Variants in IL19 observed in about 807,000 individuals in gnomAD.
IL19 encodes interleukin 19.
A neutral mutation model predicts 19.5 loss-of-function variants in IL19; 15 were observed. The ratio of observed to expected loss-of-function variants is 0.77; its 90% CI spans 0.52 to 1.19. The LOEUF (loss-of-function observed/expected upper bound fraction) is 1.19, where lower values mean the gene tolerates loss of function less well. Ranked by LOEUF, IL19 falls within the 50% of genes most tolerant of loss-of-function variation. The pLI is 0.00. For missense variants in IL19, 199 were observed against 213.1 expected (o/e 0.93, Z 0.41); for synonymous variants, 78 against 78.3 (o/e 1.00, Z 0.02).
chr1:206,826,145 A>G (rs74151409), intron 2 of IL19, among the ~76,000 whole-genome samples: 2,736 of 152,308 alleles, frequency 0.018, 39 homozygotes, highest in Middle Eastern at 0.058. Flanking sequence ...CTGAGGGGAG[A>G]CCAAGGGGAA....
intron 1 of IL19, among the ~76,000 whole-genome samples, chr1:206,795,925 A>ATGTGTGTGTG (rs1316791210): frequency 6.0e-4 from 79 of 132,340 alleles, no homozygotes; most frequent in African/African-American, 1.7e-3. Flanking sequence ...ATAAATATAT[A>ATGTGTGTGTG]TATGTGTGTG....
chr1:206,834,227 A>G, intron 2 of IL19: 1 of 985,272 alleles, frequency 1.0e-6, no homozygotes, highest in Non-Finnish European at 1.2e-6. Context: ...ACAATTAAGG[A>G]AATACAATAC....
intron 3 of IL19, 73 bp from the exon 4 acceptor site, chr1:206,836,885 T>C: frequency 4.4e-6 from 7 of 1,604,510 alleles, no homozygotes; most frequent in Non-Finnish European, 6.0e-6. Flanking sequence ...GAGTTCCTTC[T>C]CATTGCCTTT....
intron 2 of IL19, among the ~76,000 whole-genome samples, chr1:206,800,034 G>A (rs767597277): frequency 6.6e-6 from 1 of 152,174 alleles, no homozygotes; most frequent in Non-Finnish European, 1.5e-5. Flanking sequence ...ATTATCCAAA[G>A]TCATTGATAA....
intron 1 of IL19, 112 bp downstream of exon 1, chr1:206,771,190 G>T: frequency 1.7e-6 from 2 of 1,209,636 alleles, no homozygotes; most frequent in Non-Finnish European, 1.2e-6. Flanking sequence ...CGAAGGGACT[G>T]AGCCCTTTGT....
At chr1:206,812,948 G>A (rs1397769887) in intron 2 of IL19, among the ~76,000 whole-genome samples, 1 of 152,204 alleles carries the variant, frequency 6.6e-6, no homozygotes, top group East Asian at 1.9e-4. Context: ...AATTCAAACG[G>A]ATACAATGAC....
chr1:206,776,777 G>A (rs549124282), intron 1 of IL19, among the ~76,000 whole-genome samples: 2 of 151,842 alleles, frequency 1.3e-5, no homozygotes, highest in African/African-American at 2.4e-5. Context: ...ATCATCTATC[G>A]CCTGAGAGCA....
chr1:206,783,347 G>T (rs1450496660), intron 1 of IL19, among the ~76,000 whole-genome samples: 1 of 152,132 alleles, frequency 6.6e-6, no homozygotes, highest in African/African-American at 2.4e-5. Context: ...GATTTTAAAA[G>T]TATTCTTTTT....
chr1:206,774,028 C>G lies in IL19; in HGVS notation c.-149+2950C>G, dbSNP rs76176414. On this transcript the variant is annotated intron_variant, in intron 1 of 6. Transcript: ENST00000659997. The stretch of plus-strand genomic sequence containing the variant: ...AGTGTTCTGCTAGTTCTTCACCTTT[C>G]TGCATCAGCAATGGGACAACTCCAG... Among the ~76,000 whole-genome samples the G allele has an allele frequency of 3.1e-4, 47 of 152,340 alleles. No individual in the cohort carries two copies. In the East Asian group the frequency reaches 8.9e-3, roughly 29 times the overall value.
chr1:206,783,551 C>T (rs1405899804), intron 1 of IL19, among the ~76,000 whole-genome samples: 4 of 152,164 alleles, frequency 2.6e-5, no homozygotes, highest in East Asian at 1.9e-4. Flanking sequence ...TTCACGAAAG[C>T]GGCTAAGGGT....
At chr1:206,816,854 T>C (rs757492256) in intron 2 of IL19, among the ~76,000 whole-genome samples, 1 of 152,166 alleles carries the variant, frequency 6.6e-6, no homozygotes, top group Non-Finnish European at 1.5e-5. Flanking sequence ...AAAGATATAC[T>C]ATGCTAATGA....
intron 2 of IL19, among the ~76,000 whole-genome samples, chr1:206,801,853 T>C (rs1343295767): frequency 6.6e-6 from 1 of 152,250 alleles, no homozygotes; most frequent in Non-Finnish European, 1.5e-5. Flanking sequence ...ATACATACTC[T>C]GTTTGTCAAT....
chr1:206,786,832 C>G (rs1675279742), intron 1 of IL19, among the ~76,000 whole-genome samples: 1 of 152,164 alleles, frequency 6.6e-6, no homozygotes, highest in African/African-American at 2.4e-5. Flanking sequence ...TTACTGCCAT[C>G]AACATTCTGA....
At chr1:206,821,659 T>A (rs1435297717) in intron 2 of IL19, among the ~76,000 whole-genome samples, 1 of 152,246 alleles carries the variant, frequency 6.6e-6, no homozygotes, top group Non-Finnish European at 1.5e-5. Context: ...TCCTATTGTC[T>A]TCCACTGCAG....
chr1:206,818,284 T>A (rs1266133379), intron 2 of IL19, among the ~76,000 whole-genome samples: 3 of 152,204 alleles, frequency 2.0e-5, no homozygotes, highest in Non-Finnish European at 2.9e-5. Context: ...AAACTGGAAG[T>A]AGCTCAAATG....
chr1:206,833,710 CCA>C, intron 2 of IL19: 6 of 985,474 alleles, frequency 6.1e-6, no homozygotes, highest in Non-Finnish European at 7.2e-6. Flanking sequence ...TCTCTTCTTT[CCA>C]GTCTCATTTT....
rs796545081 is a variant in IL19, at chr1:206,777,000, G to A, written c.-149+5922G>A. Among the ~76,000 whole-genome samples, 109 of 151,578 alleles carry A rather than the reference G, an allele frequency of 7.2e-4. 1 individual carries two copies. The highest frequency in any genetic ancestry group is 3.4e-3 in the Middle Eastern group (1 of 292). On this transcript the variant is annotated intron_variant, in intron 1 of 6. Coordinates refer to ENST00000659997, the MANE Select transcript of IL19 (RefSeq NM_153758.5). Reference sequence around the variant, plus strand: ...TAATCCCAACACTTTGGGAGGCCGAGGTGGACGGATCACGAGGTCAGGAGA... The same window carrying A: ...TAATCCCAACACTTTGGGAGGCCGAAGTGGACGGATCACGAGGTCAGGAGA...
intron 2 of IL19, chr1:206,834,343 A>C (rs1676712723): frequency 2.0e-6 from 2 of 985,676 alleles, no homozygotes; most frequent in Middle Eastern, 5.2e-4. Flanking sequence ...GCCCTTTCCA[A>C]ATGGCAGAGA....
chr1:206,795,132 A>G (rs1238204116), intron 1 of IL19, among the ~76,000 whole-genome samples: 1 of 152,200 alleles, frequency 6.6e-6, no homozygotes, highest in Non-Finnish European at 1.5e-5. Context: ...ATCCAGACAC[A>G]AGGGCCAGCT....
Sources: gnomAD v4.1 joint callset for allele counts (sites outside exome capture counted in the v4.1 genomes callset) on GRCh38, gnomAD v4.1.1 for gene constraint, MANE v1.5 for transcripts, NCBI Gene and HGNC (gene_info 2026-07-23, HGNC 2026-07-21) for gene names.